Variants in MACROD2 observed in about 807,000 individuals in gnomAD.
The protein encoded by MACROD2 is mono-ADP ribosylhydrolase 2.
A neutral mutation model predicts 70.4 loss-of-function variants in MACROD2; 36 were observed. That is an observed-to-expected ratio of 0.51 (90% CI 0.39 to 0.68). MACROD2 has a LOEUF of 0.68. MACROD2 is among the 30% of genes least tolerant of loss of function. The pLI, the probability that MACROD2 is intolerant of heterozygous loss-of-function variation, is 0.00. For synonymous variants in MACROD2, 172 were observed against 178.8 expected, an observed-to-expected ratio of 0.96 and a Z score of 0.30; for missense variants, 496 against 538.4, an observed-to-expected ratio of 0.92 and a Z score of 0.78.
At chr20:14,989,851 A>G (rs1057370415) in intron 5 of MACROD2, among the ~76,000 whole-genome samples, 22 of 151,906 alleles carry the variant, frequency 1.4e-4, no homozygotes, top group African/African-American at 4.8e-4. Context: ...AGCTATTTCA[A>G]CCGTTTCTTT....
In MACROD2 at chr20:15,761,569, C is replaced by T. The variant is rs188738436; in HGVS notation, c.646-101176C>T. ...TTAACCATCAAGAGTATGTGTTACA[C>T]GTATATCCACATTTTGTTATAGGCA... is the stretch of plus-strand genomic sequence containing the variant. On this transcript the variant is annotated intron_variant, in intron 8 of 17. Transcript: ENST00000684519. Among the ~76,000 whole-genome samples the T allele has an allele frequency of 6.6e-5, 10 of 152,208 alleles. No individual in the cohort carries two copies. The East Asian group carries it at 1.2e-3, about 18-fold the overall frequency.
intron 5 of MACROD2, among the ~76,000 whole-genome samples, chr20:14,782,756 T>G (rs1253772944): frequency 6.6e-6 from 1 of 152,112 alleles, no homozygotes. Flanking sequence ...TCCACTGTAG[T>G]TGTTAATCTC....
At chr20:14,460,513 A>G (rs559235839) in intron 3 of MACROD2, among the ~76,000 whole-genome samples, 37 of 152,182 alleles carry the variant, frequency 2.4e-4, no homozygotes, top group African/African-American at 8.9e-4. Context: ...TGTTGGCCGC[A>G]TAAATGTCTT....
At chr20:15,681,245 C>G (rs1378235642) in intron 8 of MACROD2, among the ~76,000 whole-genome samples, 1 of 152,206 alleles carries the variant, frequency 6.6e-6, no homozygotes, top group Non-Finnish European at 1.5e-5. Context: ...GCCAAGTCTT[C>G]ATATGTAATT....
chr20:15,279,572 G>A (rs1334753861), intron 6 of MACROD2, among the ~76,000 whole-genome samples: 1 of 152,126 alleles, frequency 6.6e-6, no homozygotes, highest in Non-Finnish European at 1.5e-5. Context: ...GTGAGAAATT[G>A]ATACAAAAAA....
intron 5 of MACROD2, among the ~76,000 whole-genome samples, chr20:14,947,185 C>G (rs1055354815): frequency 2.6e-5 from 4 of 152,152 alleles, no homozygotes; most frequent in African/African-American, 9.7e-5. Context: ...TGGGGACAGT[C>G]AAAGTTGTCT....
At chr20:14,110,980 T>C (rs2054443248) in intron 3 of MACROD2, among the ~76,000 whole-genome samples, 1 of 151,964 alleles carries the variant, frequency 6.6e-6, no homozygotes, top group Non-Finnish European at 1.5e-5. Flanking sequence ...TAAATTATAC[T>C]GCAGAGCTAT....
At chr20:15,143,920 C>G (rs993790056) in intron 5 of MACROD2, among the ~76,000 whole-genome samples, 1 of 141,506 alleles carries the variant, frequency 7.1e-6, no homozygotes, top group Non-Finnish European at 1.5e-5. Context: ...ATAAAATACC[C>G]TAACACTAAC....
intron 9 of MACROD2, among the ~76,000 whole-genome samples, chr20:15,879,600 C>T (rs972339038): frequency 6.6e-6 from 1 of 152,124 alleles, no homozygotes; most frequent in Admixed American, 6.6e-5. Flanking sequence ...TGGTATGTCA[C>T]TCCTCTGCTC....
intron 8 of MACROD2, among the ~76,000 whole-genome samples, chr20:15,595,751 G>A (rs912138150): frequency 3.4e-4 from 51 of 152,138 alleles, no homozygotes; most frequent in African/African-American, 1.2e-3. Context: ...ACACTAAAAT[G>A]TAAACAGTAA....
chr20:14,049,190 CA>C (rs1182272964), intron 2 of MACROD2, among the ~76,000 whole-genome samples: 9 of 134,882 alleles, frequency 6.7e-5, no homozygotes, highest in African/African-American at 2.5e-4. Context: ...AAAAAAAAAA[CA>C]AAAAAACAAA....
Position 14,501,221 on chromosome 20 carries a change from A to G in MACROD2, c.301+7713A>G, listed in dbSNP as rs146663773. Among the ~76,000 whole-genome samples the G allele has an allele frequency of 5.6e-3, 853 of 152,230 alleles. 2 individuals are homozygous for G. Among genetic ancestry groups the G allele is most frequent in the Non-Finnish European group, 8.8e-3 (598 of 67,978 alleles). ...CTTTAAATGGGCAATAAAGAGAACA[A>G]TATGTAATTGAATAGATGGGGAATG... On this transcript the variant is annotated intron_variant, in intron 4 of 17. Coordinates refer to ENST00000684519, the MANE Select transcript of MACROD2 (RefSeq NM_001351661.2).
chr20:15,463,785 T>TA (rs2046849585), intron 7 of MACROD2, among the ~76,000 whole-genome samples: 1 of 152,154 alleles, frequency 6.6e-6, no homozygotes, highest in African/African-American at 2.4e-5. Flanking sequence ...AAAACTACTG[T>TA]AAAATATAAA....
chr20:15,444,925 G>A (rs1568813286), intron 7 of MACROD2, among the ~76,000 whole-genome samples: 1 of 150,898 alleles, frequency 6.6e-6, no homozygotes, highest in Non-Finnish European at 1.5e-5. Context: ...GCTTATCATA[G>A]TGTCATATAT....
chr20:14,560,273 C>CTT (rs961054324), intron 4 of MACROD2, among the ~76,000 whole-genome samples: 1 of 150,234 alleles, frequency 6.7e-6, no homozygotes, highest in African/African-American at 2.4e-5. Flanking sequence ...GCTAACCACA[C>CTT]TTTGTTTCTT....
At chr20:14,342,475 G>A (rs1008019784) in intron 3 of MACROD2, among the ~76,000 whole-genome samples, 1 of 152,066 alleles carries the variant, frequency 6.6e-6, no homozygotes, top group Non-Finnish European at 1.5e-5. Context: ...GCATGTCAGG[G>A]CACATCAGTA....
intron 3 of MACROD2, among the ~76,000 whole-genome samples, chr20:14,392,542 TA>T (rs1282223191): frequency 6.6e-6 from 1 of 152,222 alleles, no homozygotes; most frequent in East Asian, 1.9e-4. Flanking sequence ...TCAAAATATA[TA>T]AATTAAGATG....
chr20:14,704,271 T>A (rs920041277), intron 5 of MACROD2, among the ~76,000 whole-genome samples: 1 of 152,178 alleles, frequency 6.6e-6, no homozygotes, highest in African/African-American at 2.4e-5. Context: ...CTGTTGTCCC[T>A]GAATATAGCG....
intron 8 of MACROD2, among the ~76,000 whole-genome samples, chr20:15,737,859 A>AATGG (rs74175640): frequency 0.68 from 101,082 of 149,708 alleles, 36,760 homozygotes; most frequent in Non-Finnish European, 0.82. Flanking sequence ...TAAATAAATC[A>AATGG]ATGGATGGAT....
Sources: gnomAD v4.1 joint callset for allele counts (sites outside exome capture counted in the v4.1 genomes callset) on GRCh38, gnomAD v4.1.1 for gene constraint, MANE v1.5 for transcripts, NCBI Gene and HGNC (gene_info 2026-07-23, HGNC 2026-07-21) for gene names.